Variants in PHACTR4 observed in about 807,000 individuals in gnomAD.
PHACTR4 encodes the protein phosphatase and actin regulator 4.
PHACTR4 carries 51 observed loss-of-function variants against 72.7 expected under a neutral mutation model. That is an observed-to-expected ratio of 0.70 (90% confidence interval 0.56 to 0.89). The LOEUF is 0.89. Among genes scored for constraint, PHACTR4 ranks in the 40% least tolerant of loss-of-function variants. The pLI, the probability that PHACTR4 is intolerant of heterozygous loss-of-function variation, is 0.00. For synonymous variants in PHACTR4, 255 were observed against 302.5 expected (o/e 0.84, Z 1.63); for missense variants, 731 against 861.8 (o/e 0.85, Z 1.90).
chr1:28,429,261 G>A (rs2124370301), intron 2 of PHACTR4, among the ~76,000 whole-genome samples: 1 of 152,318 alleles, frequency 6.6e-6, no homozygotes, highest in East Asian at 1.9e-4. Flanking sequence ...GAGCCTCACA[G>A]TTGTGATTAA....
At chr1:28,424,963 T>G (rs1380377578) in intron 2 of PHACTR4, among the ~76,000 whole-genome samples, 1 of 151,998 alleles carries the variant, frequency 6.6e-6, no homozygotes, top group East Asian at 1.9e-4. Flanking sequence ...CCGGCTAATT[T>G]TTGTATTTTT....
intron 1 of PHACTR4, among the ~76,000 whole-genome samples, chr1:28,389,971 T>C (rs72882114): frequency 0.016 from 2,430 of 152,230 alleles, 65 homozygotes; most frequent in African/African-American, 0.053. Context: ...GTGTTAAGTG[T>C]CCATCAGTAG....
chr1:28,482,251 A>G (rs1372843157), intron 9 of PHACTR4, among the ~76,000 whole-genome samples: 7 of 152,116 alleles, frequency 4.6e-5, no homozygotes, highest in Admixed American at 3.9e-4. Context: ...AAAAGTTTCT[A>G]CATAAATCAG....
At chr1:28,370,136 A>C (rs555404509) in intron 1 of PHACTR4, among the ~76,000 whole-genome samples, 2 of 150,902 alleles carry the variant, frequency 1.3e-5, no homozygotes, top group South Asian at 2.1e-4. Context: ...GTGTCCGTGC[A>C]TGGAGTCTCC....
intron 1 of PHACTR4, among the ~76,000 whole-genome samples, chr1:28,403,166 A>G (rs1017097870): frequency 6.6e-6 from 1 of 152,188 alleles, no homozygotes; most frequent in Non-Finnish European, 1.5e-5. Flanking sequence ...AATGCTTATT[A>G]GGAAGTGCCC....
At chr1:28,407,248 CA>C (rs78873359) in intron 1 of PHACTR4, among the ~76,000 whole-genome samples, 161 bp from the exon 2 acceptor site, 13,764 of 76,430 alleles carry the variant, frequency 0.18, 1,282 homozygotes, top group African/African-American at 0.39. Flanking sequence ...GATCCTGTCT[CA>C]AAAAAAAAAA....
chr1:28,452,668 C>T (rs1013175948), intron 2 of PHACTR4, among the ~76,000 whole-genome samples: 1 of 151,226 alleles, frequency 6.6e-6, no homozygotes, highest in African/African-American at 2.4e-5. Flanking sequence ...TGGTGGTACA[C>T]GCCTATAGTC....
At chr1:28,369,953 G>A in intron 1 of PHACTR4, 128 bp downstream of exon 1, 1 of 347,614 alleles carries the variant, frequency 2.9e-6, no homozygotes. Context: ...TAACGGCCCG[G>A]GTCGCCGTCG....
intron 1 of PHACTR4, among the ~76,000 whole-genome samples, chr1:28,403,727 C>T (rs1654107883): frequency 6.6e-6 from 1 of 152,054 alleles, no homozygotes. Context: ...CCTTAGCTGT[C>T]ACTCTGTAAT....
intron 12 of PHACTR4, among the ~76,000 whole-genome samples, chr1:28,492,763 G>A (rs4323678): frequency 0.1 from 15,775 of 151,938 alleles, 1,874 homozygotes; most frequent in African/African-American, 0.3. Context: ...CCATCTCAGG[G>A]AAAAACAAAA....
At chr1:28,489,777 A>G in intron 10 of PHACTR4, 1 of 519,006 alleles carries the variant, frequency 1.9e-6, no homozygotes, top group Non-Finnish European at 3.8e-6. Context: ...TTTCCAGAAT[A>G]TAGAGTGAAA....
At chr1:28,480,214 A>G (rs1236077079) in intron 8 of PHACTR4, among the ~76,000 whole-genome samples, 2 of 152,218 alleles carry the variant, frequency 1.3e-5, no homozygotes, top group African/African-American at 4.8e-5. Context: ...GGAAAAATGT[A>G]GAGGCCTGAT....
chr1:28,470,684 C>T (rs1659504795), intron 6 of PHACTR4, among the ~76,000 whole-genome samples: 1 of 151,092 alleles, frequency 6.6e-6, no homozygotes, highest in Non-Finnish European at 1.5e-5. Context: ...CAGTGTGAGA[C>T]CCTGTCTAAA....
At chr1:28,452,062 G>C (rs191908383) in intron 2 of PHACTR4, among the ~76,000 whole-genome samples, 14 of 152,232 alleles carry the variant, frequency 9.2e-5, no homozygotes, top group African/African-American at 3.4e-4. Context: ...TGGCAAACTA[G>C]GAGAATATAC....
chr1:28,380,119 C>T (rs1273531780), intron 1 of PHACTR4, among the ~76,000 whole-genome samples: 32 of 135,612 alleles, frequency 2.4e-4, no homozygotes, highest in Non-Finnish European at 3.7e-4. Context: ...TGCAGTGGCG[C>T]GATCTCGGCT....
At chr1:28,474,976 G>C (rs1041182146) in intron 7 of PHACTR4, among the ~76,000 whole-genome samples, 1 of 149,852 alleles carries the variant, frequency 6.7e-6, no homozygotes, top group African/African-American at 2.5e-5. Flanking sequence ...TTTGAGACAG[G>C]TTCTCACTCT....
At chr1:28,489,937 G>A (rs757625099) in intron 10 of PHACTR4, 4 of 516,848 alleles carry the variant, frequency 7.7e-6, no homozygotes, top group Non-Finnish European at 1.5e-5. Context: ...TAGTGTGGGA[G>A]CCCTTATAAC....
At chr1:28,458,626 A>G (rs1459692835) in intron 2 of PHACTR4, among the ~76,000 whole-genome samples, 1 of 152,208 alleles carries the variant, frequency 6.6e-6, no homozygotes, top group Non-Finnish European at 1.5e-5. Context: ...ATGAGCAGAT[A>G]TAAGTAAGGT....
At chr1:28,381,520 G>C (rs548375932) in intron 1 of PHACTR4, among the ~76,000 whole-genome samples, 3 of 150,312 alleles carry the variant, frequency 2.0e-5, no homozygotes, top group African/African-American at 7.4e-5. Context: ...GTATGGTCTC[G>C]ATCTCCTGAC....
Sources: allele counts gnomAD v4.1 joint callset (sites outside exome capture counted in the v4.1 genomes callset), GRCh38; gene constraint gnomAD v4.1.1; transcripts MANE v1.5; gene names NCBI Gene and HGNC (gene_info 2026-07-23, HGNC 2026-07-21).